CACNA2D3: variants seen among roughly 807,000 people sequenced by gnomAD.
The protein encoded by CACNA2D3 is voltage-dependent calcium channel subunit alpha-2/delta-3.
A neutral mutation model predicts 160.6 loss-of-function variants in CACNA2D3; 60 were observed. The ratio of observed to expected loss-of-function variants is 0.37; its 90% CI spans 0.30 to 0.46. CACNA2D3 has a LOEUF of 0.46. Among genes scored for constraint, CACNA2D3 ranks in the 20% least tolerant of loss-of-function variants. The pLI is 1.00. For synonymous variants in CACNA2D3, 558 were observed against 492.9 expected, an observed-to-expected ratio of 1.13 and a Z score of -1.75; for missense variants, 1,205 against 1,365.0, an observed-to-expected ratio of 0.88 and a Z score of 1.85.
intron 5 of CACNA2D3, among the ~76,000 whole-genome samples, chr3:54,531,280 G>A (rs768427890): frequency 1.3e-5 from 2 of 152,232 alleles, no homozygotes; most frequent in Non-Finnish European, 2.9e-5. Flanking sequence ...GGATAAACTT[G>A]GGCCGGGACT....
intron 3 of CACNA2D3, among the ~76,000 whole-genome samples, chr3:54,384,616 C>G (rs774798576): frequency 6.6e-6 from 1 of 152,128 alleles, no homozygotes; most frequent in Non-Finnish European, 1.5e-5. Flanking sequence ...GTAGATTGTT[C>G]CTCTTCTTAC....
intron 2 of CACNA2D3, among the ~76,000 whole-genome samples, chr3:54,250,472 C>T (rs1484149109): frequency 2.0e-5 from 3 of 152,128 alleles, no homozygotes; most frequent in African/African-American, 7.2e-5. Flanking sequence ...CTTGCTTTGT[C>T]ACCTAGACTG....
chr3:55,067,471 G>A (rs913454981), intron 35 of CACNA2D3, among the ~76,000 whole-genome samples: 2 of 152,184 alleles, frequency 1.3e-5, no homozygotes, highest in Admixed American at 6.5e-5. Flanking sequence ...TGTGGTAAGA[G>A]TTTACTTATC....
intron 11 of CACNA2D3, among the ~76,000 whole-genome samples, chr3:54,738,803 T>C (rs1165298458): frequency 6.6e-6 from 1 of 152,200 alleles, no homozygotes; most frequent in Non-Finnish European, 1.5e-5. Context: ...AATGCCTTTT[T>C]CTCCCACTTA....
intron 5 of CACNA2D3, among the ~76,000 whole-genome samples, chr3:54,512,446 T>C (rs1701474218): frequency 6.6e-6 from 1 of 152,182 alleles, no homozygotes; most frequent in African/African-American, 2.4e-5. Context: ...AGAATGATGA[T>C]AGTGACACCG....
chr3:55,073,420 G>T, intron 35 of CACNA2D3, 25 bp from the exon 36 acceptor site: 1 of 1,555,656 alleles, frequency 6.4e-7, no homozygotes, highest in Non-Finnish European at 8.9e-7. Context: ...GTAAATGACT[G>T]CCTCGCTACC....
At chr3:54,511,092 T>C (rs1701451307) in intron 5 of CACNA2D3, among the ~76,000 whole-genome samples, 1 of 152,054 alleles carries the variant, frequency 6.6e-6, no homozygotes, top group Non-Finnish European at 1.5e-5. Flanking sequence ...AGACCTTTGC[T>C]TAGGCTCTGA....
chr3:54,520,627 A>C (rs781281812), intron 5 of CACNA2D3, among the ~76,000 whole-genome samples: 1 of 152,324 alleles, frequency 6.6e-6, no homozygotes, highest in Non-Finnish European at 1.5e-5. Flanking sequence ...TTCACATAAC[A>C]TACAATTTGC....
intron 2 of CACNA2D3, among the ~76,000 whole-genome samples, chr3:54,244,835 A>G (rs1702041316): frequency 6.6e-6 from 1 of 152,226 alleles, no homozygotes; most frequent in Admixed American, 6.5e-5. Flanking sequence ...ACATATAAAT[A>G]TTTAACAATA....
At chr3:54,526,599 G>T (rs1374429615) in intron 5 of CACNA2D3, among the ~76,000 whole-genome samples, 1 of 152,078 alleles carries the variant, frequency 6.6e-6, no homozygotes, top group African/African-American at 2.4e-5. Flanking sequence ...CTTTTCAGAG[G>T]GTAATGCCTT....
intron 12 of CACNA2D3, among the ~76,000 whole-genome samples, chr3:54,763,806 T>TAC (rs1702149690): frequency 6.5e-5 from 1 of 15,274 alleles, no homozygotes; most frequent in Admixed American, 8.9e-4. Context: ...TATGTACATA[T>TAC]ATATACATAT....
At chr3:54,458,630 C>G (rs1045878624) in intron 4 of CACNA2D3, among the ~76,000 whole-genome samples, 1 of 152,100 alleles carries the variant, frequency 6.6e-6, no homozygotes, top group South Asian at 2.1e-4. Context: ...GACAATTTGA[C>G]TACAGTGTGC....
At chr3:54,626,412 G>A (rs1310412250) in intron 9 of CACNA2D3, 16 of 1,579,480 alleles carry the variant, frequency 1.0e-5, no homozygotes, top group South Asian at 2.3e-5. Context: ...AGAAGGAGGC[G>A]CTGCCCATGG....
At chr3:54,758,963 A>G (rs1445584395) in intron 12 of CACNA2D3, among the ~76,000 whole-genome samples, 1 of 152,234 alleles carries the variant, frequency 6.6e-6, no homozygotes, top group African/African-American at 2.4e-5. Flanking sequence ...AAAGTGGAGT[A>G]TTTAATGATT....
In CACNA2D3 at chr3:55,073,574, A is replaced by G. The variant is rs1704866165; in HGVS notation, c.3100+17A>G. 1 of 1,587,814 alleles carries G rather than the reference A, an allele frequency of 6.3e-7. No individual in the cohort carries two copies. The highest frequency in any genetic ancestry group is 8.6e-7 in the Non-Finnish European group (1 of 1,156,160). Reference sequence around the variant, plus strand: ...AAATCAGGTATATCCTTTTGTGTGCAGGTCCACTCACTACCACGGAAACCA... The same window carrying G: ...AAATCAGGTATATCCTTTTGTGTGCGGGTCCACTCACTACCACGGAAACCA... On this transcript the variant is annotated intron_variant, in intron 36 of 37. Coordinates refer to ENST00000474759, the MANE Select transcript of CACNA2D3 (RefSeq NM_018398.3).
At chr3:54,574,592 T>G (rs772067219) in intron 8 of CACNA2D3, among the ~76,000 whole-genome samples, 2 of 152,198 alleles carry the variant, frequency 1.3e-5, no homozygotes, top group Non-Finnish European at 2.9e-5. Context: ...AGTTAAAATT[T>G]TAAGGTCAAA....
intron 11 of CACNA2D3, among the ~76,000 whole-genome samples, chr3:54,672,340 G>A (rs775413044): frequency 3.3e-5 from 5 of 152,188 alleles, no homozygotes; most frequent in Non-Finnish European, 7.4e-5. Flanking sequence ...ATGAGGCCAA[G>A]CTGAGAAAAC....
chr3:55,021,677 G>T (rs201682155), intron 35 of CACNA2D3, among the ~76,000 whole-genome samples: 2 of 67,738 alleles, frequency 3.0e-5, no homozygotes, highest in African/African-American at 4.9e-5. Flanking sequence ...ATATATATAT[G>T]TGTATATATA....
At chr3:54,951,815 C>G (rs1701764723) in intron 27 of CACNA2D3, among the ~76,000 whole-genome samples, 1 of 152,158 alleles carries the variant, frequency 6.6e-6, no homozygotes, top group Non-Finnish European at 1.5e-5. Flanking sequence ...CTCAGTAATT[C>G]TATTTTCTGT....
Sources: gnomAD v4.1 joint callset for allele counts (sites outside exome capture counted in the v4.1 genomes callset) on GRCh38, gnomAD v4.1.1 for gene constraint, MANE v1.5 for transcripts, NCBI Gene and HGNC (gene_info 2026-07-23, HGNC 2026-07-21) for gene names.